Variants in RNU4ATAC observed in about 807,000 individuals in gnomAD.
The protein encoded by RNU4ATAC is RNA, U4atac small nuclear.
Position 121,530,882 on chromosome 2 carries a change from C to G in RNU4ATAC, n.2C>G, listed in dbSNP as rs772138273. On this transcript the variant is annotated non_coding_transcript_exon_variant, in exon 1 of 1. Transcript: ENST00000580972. ...GCAGCCCAGGGACTTTCTATTATAA[C>G]CATCCTTTTCTTGGGGTTGCGCTAC... 7 of 692,248 alleles carry G rather than the reference C, an allele frequency of 1.0e-5. No individual in the cohort carries two copies. The highest frequency in any genetic ancestry group is 1.8e-5 in the Non-Finnish European group (7 of 378,598). The allele number at this position is 692,248 out of a possible 1,614,324, so 42.9% of individuals were successfully genotyped here.
exon 1 of RNU4ATAC, chr2:121,530,962 G>C (rs187757075): frequency 3.3e-5 from 23 of 700,262 alleles, no homozygotes; most frequent in East Asian, 2.1e-4. Context: ...CAACACACCC[G>C]CATCAACTAG....
Position 121,530,908 on chromosome 2 carries a change from T to C in RNU4ATAC, n.28T>C, listed in dbSNP as rs779143800. 7.2e-6 allele frequency: 5 copies of C among 697,750 alleles called. No homozygotes were observed. Among genetic ancestry groups the C allele is most frequent in the South Asian group, 3.0e-5 (2 of 67,434 alleles). The allele number at this position is 697,750 out of a possible 1,614,324, so 43.2% of individuals were successfully genotyped here. A position where few individuals can be genotyped will look rare whatever the true frequency, so the allele number is the denominator to read the frequency against. The stretch of plus-strand genomic sequence containing the variant: ...CATCCTTTTCTTGGGGTTGCGCTAC[T>C]GTCCAATGAGCGCATAGTGAGGGCA... On this transcript the variant is annotated non_coding_transcript_exon_variant, in exon 1 of 1. Coordinates refer to ENST00000580972, the Ensembl canonical transcript of RNU4ATAC.
At chr2:121,530,899 T>A in exon 1 of RNU4ATAC, 1 of 695,334 alleles carries the variant, frequency 1.4e-6, no homozygotes, top group East Asian at 2.7e-5. Flanking sequence ...TTTCTTGGGG[T>A]TGCGCTACTG....
Position 121,530,896 on chromosome 2 carries a change from G to C in RNU4ATAC, n.16G>C, listed in dbSNP as rs765906028. On this transcript the variant is annotated non_coding_transcript_exon_variant, in exon 1 of 1. Coordinates refer to ENST00000580972, the Ensembl canonical transcript of RNU4ATAC. ...TTCTATTATAACCATCCTTTTCTTG[G>C]GGTTGCGCTACTGTCCAATGAGCGC... 5.8e-6 allele frequency: 4 copies of C among 694,744 alleles called. No homozygotes were observed. Among genetic ancestry groups the C allele is most frequent in the Admixed American group, 2.0e-5 (1 of 49,808 alleles). 43.0% of individuals were successfully genotyped at this position (694,744 alleles called of 1,614,324 possible). A position where few individuals can be genotyped will look rare whatever the true frequency, so the allele number is the denominator to read the frequency against.
In RNU4ATAC at chr2:121,530,973, A is replaced by T. The variant is rs1431191518; in HGVS notation, n.93A>T. 4 of 700,328 alleles carry T rather than the reference A, an allele frequency of 5.7e-6. No homozygotes were observed. Among genetic ancestry groups the T allele is most frequent in the Non-Finnish European group, 5.2e-6 (2 of 384,822 alleles). 43.4% of individuals were successfully genotyped at this position (700,328 alleles called of 1,614,324 possible). ...TGAACAACACACCCGCATCAACTAG[A>T]GCTTTTGCTTTATTTTGGTGCAATT... is the stretch of plus-strand genomic sequence containing the variant. On this transcript the variant is annotated non_coding_transcript_exon_variant, in exon 1 of 1. Transcript: ENST00000580972.
In RNU4ATAC at chr2:121,530,934, G is replaced by C. The variant is rs575472572; in HGVS notation, n.54G>C. On this transcript the variant is annotated non_coding_transcript_exon_variant, in exon 1 of 1. Coordinates refer to ENST00000580972, the Ensembl canonical transcript of RNU4ATAC. ...GTCCAATGAGCGCATAGTGAGGGCA[G>C]TACTGCTAACGCCTGAACAACACAC... 6 of 700,286 alleles carry C rather than the reference G, an allele frequency of 8.6e-6. No individual in the cohort carries two copies. Among genetic ancestry groups the C allele is most frequent in the East Asian group, 5.4e-5 (2 of 37,312 alleles). The allele number at this position is 700,286 out of a possible 1,614,324, so 43.4% of individuals were successfully genotyped here. A position where few individuals can be genotyped will look rare whatever the true frequency, so the allele number is the denominator to read the frequency against.
At chr2:121,530,970 T>A (rs1044488450) in exon 1 of RNU4ATAC, 1 of 699,708 alleles carries the variant, frequency 1.4e-6, no homozygotes, top group Non-Finnish European at 2.6e-6. Flanking sequence ...CCGCATCAAC[T>A]AGAGCTTTTG....
exon 1 of RNU4ATAC, chr2:121,530,957 C>A (rs1305629224): frequency 7.1e-6 from 5 of 700,408 alleles, no homozygotes; most frequent in Non-Finnish European, 1.0e-5. Flanking sequence ...CTGAACAACA[C>A]ACCCGCATCA....
rs558667045 is a variant in RNU4ATAC at position 121,530,993 on chromosome 2, G to A, written n.113G>A. ...ACTAGAGCTTTTGCTTTATTTTGGT[G>A]CAATTTTTGGAAAAATGAAAACCTG... On this transcript the variant is annotated non_coding_transcript_exon_variant, in exon 1 of 1. Transcript: ENST00000580972. The A allele has an allele frequency of 4.6e-5, 32 of 700,232 alleles. No homozygotes were observed. Among genetic ancestry groups the A allele is most frequent in the Admixed American group, 6.0e-5 (3 of 49,990 alleles). 43.4% of individuals were successfully genotyped at this position (700,232 alleles called of 1,614,324 possible). A position where few individuals can be genotyped will look rare whatever the true frequency, so the allele number is the denominator to read the frequency against.
exon 1 of RNU4ATAC, chr2:121,530,935 T>G (rs776819299): frequency 1.4e-6 from 1 of 700,300 alleles, no homozygotes; most frequent in African/African-American, 1.7e-5. Context: ...GTGAGGGCAG[T>G]ACTGCTAACG....
rs186447983 is a variant in RNU4ATAC, at chr2:121,530,966, C to T, written n.86C>T. On this transcript the variant is annotated non_coding_transcript_exon_variant, in exon 1 of 1. Coordinates refer to ENST00000580972, the Ensembl canonical transcript of RNU4ATAC. ...TAACGCCTGAACAACACACCCGCAT[C>T]AACTAGAGCTTTTGCTTTATTTTGG... 1,219 of 700,284 alleles carry T rather than the reference C, an allele frequency of 1.7e-3. 9 individuals carry two copies. The highest frequency in any genetic ancestry group is 1.1e-3 in the Non-Finnish European group (413 of 384,824). The allele number at this position is 700,284 out of a possible 1,614,324, so 43.4% of individuals were successfully genotyped here.
chr2:121,530,920 G>C (rs77516008), exon 1 of RNU4ATAC: 8 of 699,578 alleles, frequency 1.1e-5, no homozygotes, highest in African/African-American at 3.5e-5. Flanking sequence ...TCCAATGAGC[G>C]CATAGTGAGG....
exon 1 of RNU4ATAC, chr2:121,530,963 C>G (rs916717603): frequency 7.1e-6 from 5 of 700,312 alleles, no homozygotes; most frequent in Non-Finnish European, 1.3e-5. Flanking sequence ...AACACACCCG[C>G]ATCAACTAGA....
chr2:121,530,940 C>G (rs769426972), exon 1 of RNU4ATAC: 7 of 700,290 alleles, frequency 1.0e-5, no homozygotes, highest in Admixed American at 4.0e-5. Context: ...GGCAGTACTG[C>G]TAACGCCTGA....
At chr2:121,530,979 T>G (rs1390465291) in exon 1 of RNU4ATAC, 2 of 700,432 alleles carry the variant, frequency 2.9e-6, no homozygotes, top group Non-Finnish European at 2.6e-6. Flanking sequence ...CTAGAGCTTT[T>G]GCTTTATTTT....
exon 1 of RNU4ATAC, chr2:121,530,996 A>C (rs558135361): frequency 5.7e-6 from 4 of 700,162 alleles, no homozygotes; most frequent in Non-Finnish European, 7.8e-6. Flanking sequence ...TTTTGGTGCA[A>C]TTTTTGGAAA....
chr2:121,530,905 T>A (rs992754936), exon 1 of RNU4ATAC: 3 of 697,592 alleles, frequency 4.3e-6, no homozygotes, highest in Non-Finnish European at 7.8e-6. Flanking sequence ...GGGGTTGCGC[T>A]ACTGTCCAAT....
In RNU4ATAC at chr2:121,530,950, A is replaced by C. The variant is rs183655165; in HGVS notation, n.70A>C. On this transcript the variant is annotated non_coding_transcript_exon_variant, in exon 1 of 1. Transcript: ENST00000580972. ...GTGAGGGCAGTACTGCTAACGCCTGAACAACACACCCGCATCAACTAGAGC... is the reference window on the plus strand; with the variant it reads ...GTGAGGGCAGTACTGCTAACGCCTGCACAACACACCCGCATCAACTAGAGC... The C allele has an allele frequency of 7.6e-5, 53 of 700,388 alleles. No individual in the cohort carries two copies. The highest frequency in any genetic ancestry group is 2.1e-4 in the East Asian group (8 of 37,298). 43.4% of individuals were successfully genotyped at this position (700,388 alleles called of 1,614,324 possible).
chr2:121,530,911 C>G lies in RNU4ATAC; in HGVS notation n.31C>G, dbSNP rs549457414. The G allele has an allele frequency of 2.9e-6, 2 of 699,050 alleles. No homozygotes were observed. Among genetic ancestry groups the G allele is most frequent in the Non-Finnish European group, 5.2e-6 (2 of 383,842 alleles). 43.3% of individuals were successfully genotyped at this position (699,050 alleles called of 1,614,324 possible). A position where few individuals can be genotyped will look rare whatever the true frequency, so the allele number is the denominator to read the frequency against. On this transcript the variant is annotated non_coding_transcript_exon_variant, in exon 1 of 1. Coordinates refer to ENST00000580972, the Ensembl canonical transcript of RNU4ATAC. ...CCTTTTCTTGGGGTTGCGCTACTGTCCAATGAGCGCATAGTGAGGGCAGTA... is the reference window on the plus strand; with the variant it reads ...CCTTTTCTTGGGGTTGCGCTACTGTGCAATGAGCGCATAGTGAGGGCAGTA...
Sources: gnomAD v4.1 joint callset for allele counts on GRCh38, gnomAD v4.1.1 for gene constraint, MANE v1.5 for transcripts, NCBI Gene and HGNC (gene_info 2026-07-23, HGNC 2026-07-21) for gene names.